HDAC6: variants seen among roughly 807,000 people sequenced by gnomAD.
HDAC6 encodes the protein protein deacetylase HDAC6.
A neutral mutation model predicts 88.9 loss-of-function variants in HDAC6; 5 were observed. The ratio of observed to expected loss-of-function variants is 0.06; its 90% CI spans 0.03 to 0.12. HDAC6 has a LOEUF of 0.12. HDAC6 is among the 10% of genes least tolerant of loss of function. The probability of loss-of-function intolerance (pLI) is 1.00; values close to 1 mark genes in which losing one functional copy is unlikely to be tolerated. For synonymous variants in HDAC6, 378 were observed against 398.0 expected, an observed-to-expected ratio of 0.95 and a Z score of 0.60; for missense variants, 706 against 1,014.4, an observed-to-expected ratio of 0.70 and a Z score of 4.13.
At chrX:48,803,414 G>A in intron 4 of HDAC6, 198 bp downstream of exon 4, 1 of 424,166 alleles carries the variant, frequency 2.4e-6, no homozygotes, top group Non-Finnish European at 4.1e-6. Context: ...CCAAGAGTTG[G>A]TGATACAAAT....
intron 4 of HDAC6, among the ~76,000 whole-genome samples, chrX:48,803,926 G>A (rs782073000): frequency 1.8e-5 from 2 of 112,473 alleles, no homozygotes; most frequent in South Asian, 7.3e-4. Context: ...CTTTGGGGGG[G>A]CCAAGGCAGG....
rs1557026867 is a variant in HDAC6 at position 48,814,737 on chromosome X, C to T, written c.996C>T (p.Leu332=). Residue 332 remains leucine, a synonymous_variant, in exon 12 of 29, where the codon CTC becomes CTT. Coordinates refer to ENST00000334136, the MANE Select transcript of HDAC6 (RefSeq NM_006044.4). ...TGCACGTCCTGCTGCCAGTCGCCCT[C>T]GAGGTCCTGGGGATCTGGGGTGTGT... ...AFLHVLLPVA[L]EFQPQLVLVA... 6 of 1,209,550 alleles carry T rather than the reference C, an allele frequency of 5.0e-6. No individual in the cohort carries two copies. The highest frequency in any genetic ancestry group is 2.2e-5 in the Admixed American group (1 of 45,838).
At chrX:48,807,750 G>A (rs1336267665) in intron 8 of HDAC6, among the ~76,000 whole-genome samples, 1 of 112,030 alleles carries the variant, frequency 8.9e-6, no homozygotes, top group Non-Finnish European at 1.9e-5. Flanking sequence ...TTGACCTCGT[G>A]GTCCACCCAC....
chrX:48,802,680 AG>A lies in HDAC6; in HGVS notation c.-12del, dbSNP rs1557022753. The A allele has an allele frequency of 8.3e-7, 1 of 1,200,987 alleles. No homozygotes were observed. Among genetic ancestry groups the A allele is most frequent in the South Asian group, 1.8e-5 (1 of 55,362 alleles). The stretch of plus-strand genomic sequence containing the variant: ...ACCCCCAGAACCGCGGCAGGGGCCA[AG>A]CCTCCTCAACTATGACCTCAACCGG... On this transcript the variant is annotated 5_prime_UTR_variant, in exon 2 of 29. Coordinates refer to ENST00000334136, the MANE Select transcript of HDAC6 (RefSeq NM_006044.4).
intron 22 of HDAC6, 31 bp downstream of exon 22, chrX:48,818,443 G>A: frequency 9.0e-7 from 1 of 1,107,772 alleles, no homozygotes; most frequent in Non-Finnish European, 1.2e-6. Context: ...CAGGACGTAT[G>A]TGACACGCCT....
intron 10 of HDAC6, among the ~76,000 whole-genome samples, chrX:48,809,768 C>T (rs5906711): frequency 0.31 from 32,873 of 107,529 alleles, 5,364 homozygotes; most frequent in African/African-American, 0.61. Flanking sequence ...CACCACTGCA[C>T]TCCAGCCTGG....
In HDAC6 at chrX:48,823,470, C is replaced by A; in HGVS notation, c.3071C>A (p.Ala1024Asp). ...GGTELIQTPLASSTDHQTPPT... is the reference protein window; with the variant it reads ...GGTELIQTPLDSSTDHQTPPT... ...ACCGAGCTGATCCAAACTCCTCTAG[C>A]CTCGAGCACAGACCACCAGACCCCC... Residue 1024 changes from alanine to aspartate, a missense_variant, in exon 25 of 29, where the codon GCC (alanine) becomes GAC (aspartate). Transcript: ENST00000334136. 1 of 1,210,787 alleles carries A rather than the reference C, an allele frequency of 8.3e-7. No individual in the cohort carries two copies. The highest frequency in any genetic ancestry group is 1.1e-6 in the Non-Finnish European group (1 of 894,913).
At chrX:48,803,966 C>T (rs782741101) in intron 4 of HDAC6, among the ~76,000 whole-genome samples, 4 of 112,066 alleles carry the variant, frequency 3.6e-5, no homozygotes, top group Non-Finnish European at 7.5e-5. Context: ...AGTTCGAGAC[C>T]GGTCTGACCA....
At chrX:48,814,154 A>C (rs781814159) in intron 10 of HDAC6, 3 of 306,260 alleles carry the variant, frequency 9.8e-6, no homozygotes, top group Non-Finnish European at 1.7e-5. Context: ...GCTGAGGGAG[A>C]GGTTCTGGTG....
At chrX:48,822,593 C>T (rs1484142820) in intron 23 of HDAC6, 27 bp from the exon 24 acceptor site, 5 of 1,118,471 alleles carry the variant, frequency 4.5e-6, no homozygotes, top group Non-Finnish European at 6.0e-6. Flanking sequence ...CCCACCATAC[C>T]TTTCCCTCCC....
At chrX:48,801,461 TC>T (rs1370781413), upstream of HDAC6, 2 of 122,858 alleles carry the variant, frequency 1.6e-5, no homozygotes, top group Non-Finnish European at 3.4e-5. Context: ...TTCCCTCGCT[TC>T]CTTGCTTGCT....
rs1371285564 is a variant in HDAC6, at chrX:48,823,238, A to G, written c.2839A>G (p.Thr947Ala). ...CTCAGAGGAGGCTGTCGGGGGAGCC[A>G]CTCCGGACCAGACCACCTCAGAGGA... The part of the protein sequence containing the change: ...TTSEEAVGGA[T>A]PDQTTSEETV... The change falls in exon 25 of 29, where the codon ACT becomes GCT. Residue 947 changes from threonine (T) to alanine (A), a missense_variant. Transcript: ENST00000334136. The G allele has an allele frequency of 1.7e-6, 2 of 1,199,390 alleles. No homozygotes were observed. Among genetic ancestry groups the G allele is most frequent in the East Asian group, 3.0e-5 (1 of 33,417 alleles).
At chrX:48,801,945 G>C, upstream of HDAC6, 1 of 970,854 alleles carries the variant, frequency 1.0e-6, no homozygotes, top group Non-Finnish European at 1.3e-6. Context: ...GAGTGGAGCG[G>C]TGAGTACAGC....
intron 23 of HDAC6, among the ~76,000 whole-genome samples, chrX:48,822,409 C>T (rs1557030228): frequency 6.3e-5 from 7 of 111,922 alleles, no homozygotes. Context: ...TTGCACTTTA[C>T]ATCACAATTT....
At chrX:48,809,512 T>C (rs150446441) in intron 10 of HDAC6, among the ~76,000 whole-genome samples, 597 of 111,491 alleles carry the variant, frequency 5.4e-3, no homozygotes, top group South Asian at 0.017. Flanking sequence ...TCAAAAAGTT[T>C]AGGATTTTAG....
At chrX:48,801,528 C>T (rs782800939), upstream of HDAC6, 2 of 193,065 alleles carry the variant, frequency 1.0e-5, no homozygotes, top group Non-Finnish European at 1.9e-5. Context: ...GACGGAGGGG[C>T]GGCGGCTATG....
intron 4 of HDAC6, 148 bp from the exon 5 acceptor site, chrX:48,805,290 T>C (rs2062796804): frequency 2.2e-6 from 1 of 462,992 alleles, no homozygotes; most frequent in African/African-American, 2.5e-5. Context: ...GAGGAGAGGG[T>C]CACACACCAG....
intron 22 of HDAC6, among the ~76,000 whole-genome samples, chrX:48,818,891 C>T (rs1480948103): frequency 1.8e-5 from 2 of 112,310 alleles, no homozygotes; most frequent in Non-Finnish European, 3.8e-5. Context: ...ACAGCAGTCA[C>T]TGTCTGGCTG....
upstream of HDAC6, chrX:48,801,443 C>T (rs2062725649): frequency 8.4e-6 from 1 of 119,669 alleles, no homozygotes; most frequent in African/African-American, 3.2e-5. Context: ...TAAGATGCCC[C>T]TTCCTAATTC....
Sources: gnomAD v4.1 joint callset for allele counts (sites outside exome capture counted in the v4.1 genomes callset) on GRCh38, gnomAD v4.1.1 for gene constraint, MANE v1.5 for transcripts, NCBI Gene and HGNC (gene_info 2026-07-23, HGNC 2026-07-21) for gene names.